The following CELF2 variants were observed in gnomAD, a reference collection of about 807,000 sequenced individuals.
CELF2 encodes CUGBP Elav-like family member 2, also known as CUG triplet repeat RNA-binding protein 2.
In CELF2, 8 loss-of-function variants were observed where a neutral mutation model predicts 62.6. The ratio of observed to expected loss-of-function variants is 0.13; its 90% CI spans 0.07 to 0.23. The LOEUF is 0.23. CELF2 is among the 10% of genes least tolerant of loss of function. The probability of loss-of-function intolerance (pLI) is 1.00; values close to 1 mark genes in which losing one functional copy is unlikely to be tolerated. For missense variants in CELF2, 333 were observed against 671.0 expected (o/e 0.50, Z 5.56); for synonymous variants, 258 against 250.0 (o/e 1.03, Z -0.30).
chr10:10,955,565 G>T (rs1046109228), intron 2 of CELF2, among the ~76,000 whole-genome samples: 4 of 152,238 alleles, frequency 2.6e-5, no homozygotes, highest in Non-Finnish European at 5.9e-5. Context: ...TCAGCCACCT[G>T]TGTGGAGTAG....
chr10:10,669,875 G>A, the CELF2 span, among the ~76,000 whole-genome samples: 2,176 of 150,360 alleles, frequency 0.014, 30 homozygotes, highest in Non-Finnish European at 0.023. Context: ...CTTCTTGTAG[G>A]AAGGGACTGA....
chr10:10,815,160 C>T (rs1291757643), intron 1 of CELF2, among the ~76,000 whole-genome samples: 2 of 152,130 alleles, frequency 1.3e-5, no homozygotes, highest in African/African-American at 2.4e-5. Context: ...GGGTGTAAAA[C>T]CCTCTGGAGC....
rs2056291686 is a variant in CELF2, at chr10:11,010,623, C to G, written c.53+5183C>G. Among the ~76,000 whole-genome samples the G allele has an allele frequency of 5.3e-5, 8 of 152,126 alleles. No homozygotes were observed. The highest frequency in any genetic ancestry group is 2.6e-4 in the Admixed American group (4 of 15,280). ...GCCCGAGAGAGGTAAAGTCACAGGC[C>G]CATAGACACAGTGGGAGGAACTATG... On this transcript the variant is annotated intron_variant, in intron 1 of 12. Coordinates refer to the CELF2 transcript ENST00000416382. The surrounding 1 kb of genome is among the most constrained non-coding windows in gnomAD (Gnocchi z 4.1).
At chr10:10,555,159 C>T in the CELF2 span, among the ~76,000 whole-genome samples, 1 of 152,002 alleles carries the variant, frequency 6.6e-6, no homozygotes, top group South Asian at 2.1e-4. Context: ...AAGAATGCCA[C>T]CCAGAGGATA....
chr10:11,007,363 T>C (rs897728719), intron 1 of CELF2, among the ~76,000 whole-genome samples: 3 of 152,214 alleles, frequency 2.0e-5, no homozygotes, highest in African/African-American at 7.2e-5. Context: ...GAATTTCAGT[T>C]TTTTTCAATT....
the CELF2 span, among the ~76,000 whole-genome samples, chr10:10,690,251 C>T: frequency 2.0e-5 from 3 of 152,112 alleles, no homozygotes; most frequent in Middle Eastern, 3.2e-3. Context: ...TTATGATGCC[C>T]GAATTGCAGG....
chr10:10,818,546 C>CTTTTTTTTTTTTTTTTT (rs3028992), intron 1 of CELF2, among the ~76,000 whole-genome samples: 2 of 116,538 alleles, frequency 1.7e-5, no homozygotes, highest in Non-Finnish European at 1.7e-5. Context: ...TAAATATTTC[C>CTTTTTTTTTTTTTTTTT]TTTTTTTTTT....
Position 11,302,452 on chromosome 10 carries a change from C to T in CELF2, c.977-11687C>T, listed in dbSNP as rs777997079. Among the ~76,000 whole-genome samples the T allele has an allele frequency of 1.2e-4, 19 of 152,212 alleles. No homozygotes were observed. The highest frequency in any genetic ancestry group is 2.6e-4 in the Non-Finnish European group (18 of 68,042). ...CGATGCGGGCGAGGCTGTAACTTTA[C>T]AGTAACGATCTTCTCCATTAAATGT... On this transcript the variant is annotated intron_variant, in intron 9 of 12. Transcript: ENST00000633077. The surrounding 1 kb of genome is among the most constrained non-coding windows in gnomAD (Gnocchi z 5.0).
At chr10:11,060,312 G>A (rs895329652) in intron 1 of CELF2, among the ~76,000 whole-genome samples, 4 of 152,186 alleles carry the variant, frequency 2.6e-5, no homozygotes, top group African/African-American at 9.7e-5. Context: ...ACCGTTCCCG[G>A]CATAGTCAGT....
chr10:10,535,208 AGAGT>A, the CELF2 span, among the ~76,000 whole-genome samples: 1 of 152,180 alleles, frequency 6.6e-6, no homozygotes, highest in Non-Finnish European at 1.5e-5. Context: ...GGGAGAGGAG[AGAGT>A]GTCAGAGTAC....
At chr10:10,571,353 A>T in the CELF2 span, among the ~76,000 whole-genome samples, 1 of 152,226 alleles carries the variant, frequency 6.6e-6, no homozygotes, top group Non-Finnish European at 1.5e-5. Flanking sequence ...GCACTGCAAG[A>T]AAGATATTGC....
the CELF2 span, among the ~76,000 whole-genome samples, chr10:10,591,937 C>T: frequency 1.3e-5 from 2 of 152,148 alleles, no homozygotes; most frequent in Non-Finnish European, 2.9e-5. Context: ...ACACACATAT[C>T]CTCTTGTAAT....
the CELF2 span, among the ~76,000 whole-genome samples, chr10:10,758,967 C>T: frequency 3.3e-5 from 5 of 152,108 alleles, no homozygotes; most frequent in East Asian, 9.6e-4. Context: ...GGAGAGCTTC[C>T]CTATCTCCTA....
Position 10,919,290 on chromosome 10 carries a change from A to G in CELF2, c.54-674A>G, listed in dbSNP as rs114878670. Reference sequence around the variant, plus strand: ...GTCTGAAAAAAAAAAAGAAAGAAAGAAAACGAAAGACAAGAGACGGCAATT... The same window carrying G: ...GTCTGAAAAAAAAAAAGAAAGAAAGGAAACGAAAGACAAGAGACGGCAATT... On this transcript the variant is annotated intron_variant, in intron 1 of 13. Transcript: ENST00000636488. Among the ~76,000 whole-genome samples, 384 of 152,164 alleles carry G rather than the reference A, an allele frequency of 2.5e-3. 7 individuals carry two copies. The highest frequency in any genetic ancestry group is 9.0e-3 in the African/African-American group (373 of 41,520).
chr10:11,187,335 A>G (rs955352290), intron 2 of CELF2, among the ~76,000 whole-genome samples: 2 of 152,158 alleles, frequency 1.3e-5, no homozygotes, highest in Non-Finnish European at 2.9e-5. Context: ...TGATATTAGT[A>G]TAGCCACTTC....
the CELF2 span, among the ~76,000 whole-genome samples, chr10:10,684,996 C>T: frequency 6.6e-6 from 1 of 152,156 alleles, no homozygotes; most frequent in East Asian, 1.9e-4. Flanking sequence ...CCAACAAAGA[C>T]AGGAGGCTAA....
chr10:10,914,525 A>T (rs2064143799), intron 1 of CELF2, among the ~76,000 whole-genome samples: 4 of 152,320 alleles, frequency 2.6e-5, no homozygotes, highest in Admixed American at 1.3e-4. Context: ...GACACAGGGG[A>T]CACTTGTCTG....
At chr10:11,322,363 A>G (rs2095486893) in intron 11 of CELF2, among the ~76,000 whole-genome samples, 1 of 152,244 alleles carries the variant, frequency 6.6e-6, no homozygotes. Flanking sequence ...AGTTAATGCT[A>G]AGAATAAATG....
chr10:10,824,028 A>G (rs2057187541), intron 1 of CELF2, among the ~76,000 whole-genome samples: 1 of 149,862 alleles, frequency 6.7e-6, no homozygotes, highest in South Asian at 2.1e-4. Flanking sequence ...ATGATAGATA[A>G]GAGAGAGAGA....
Sources: gnomAD v4.1 joint callset for allele counts (sites outside exome capture counted in the v4.1 genomes callset) on GRCh38, gnomAD v4.1.1 for gene constraint, Gnocchi (gnomAD v3.1) non-coding constraint, MANE v1.5 for transcripts, NCBI Gene and HGNC (gene_info 2026-07-23, HGNC 2026-07-21) for gene names.